Variants in FKBP8 observed in about 807,000 individuals in gnomAD.
FKBP8 encodes peptidyl-prolyl cis-trans isomerase FKBP8.
In FKBP8, 5 loss-of-function variants were observed where a neutral mutation model predicts 41.7. The observed-to-expected ratio is 0.12, with a 90% confidence interval of 0.06 to 0.25. FKBP8 has a LOEUF of 0.25. Among genes scored for constraint, FKBP8 ranks in the 10% least tolerant of loss-of-function variants. FKBP8 has a pLI of 1.00. For missense variants in FKBP8, 397 were observed against 563.0 expected, an observed-to-expected ratio of 0.71 and a Z score of 2.98; for synonymous variants, 279 against 254.5, an observed-to-expected ratio of 1.10 and a Z score of -0.92.
intron 2 of FKBP8, among the ~76,000 whole-genome samples, chr19:18,540,260 CCT>C (rs2145192906): frequency 6.6e-6 from 1 of 152,240 alleles, no homozygotes; most frequent in Admixed American, 6.5e-5. Context: ...TAGCAGAGCC[CCT>C]GTGACACAGT....
At chr19:18,540,131 A>G (rs1302325039) in intron 2 of FKBP8, among the ~76,000 whole-genome samples, 1 of 152,134 alleles carries the variant, frequency 6.6e-6, no homozygotes, top group Non-Finnish European at 1.5e-5. Context: ...CCCTCCTCAA[A>G]AAGAAAGAAA....
intron 2 of FKBP8, among the ~76,000 whole-genome samples, chr19:18,541,253 A>G (rs1424850017): frequency 6.6e-6 from 1 of 152,080 alleles, no homozygotes; most frequent in Non-Finnish European, 1.5e-5. Context: ...CCTCTGATCC[A>G]CTTGACCCCA....
chr19:18,537,829 G>C lies in FKBP8; in HGVS notation c.773-56C>G. Reference sequence around the variant, plus strand: ...CGTCACCATGCCACCAGACACCCCGGCACCCACCCCTCTGCGGAGGCTGCC... The same window carrying C: ...CGTCACCATGCCACCAGACACCCCGCCACCCACCCCTCTGCGGAGGCTGCC... On this transcript the variant is annotated intron_variant, in intron 5 of 8. Transcript: ENST00000608443. This position sits in a 1 kb window ranked among gnomAD's most constrained non-coding sequence, Gnocchi z 4.4. 6.5e-7 allele frequency: 1 copy of C among 1,546,382 alleles called. No homozygotes were observed. The highest frequency in any genetic ancestry group is 8.8e-7 in the Non-Finnish European group (1 of 1,138,148).
At chr19:18,533,634 G>A (rs1200107105) in intron 6 of FKBP8, among the ~76,000 whole-genome samples, 1 of 151,450 alleles carries the variant, frequency 6.6e-6, no homozygotes, top group African/African-American at 2.4e-5. Flanking sequence ...GAACCAGGGG[G>A]CAGAAGTTGC....
chr19:18,535,159 A>C (rs1339449141), intron 6 of FKBP8, among the ~76,000 whole-genome samples: 1 of 152,038 alleles, frequency 6.6e-6, no homozygotes, highest in Non-Finnish European at 1.5e-5. Flanking sequence ...GGCTCAACCA[A>C]TCCACCTGCC....
chr19:18,541,151 G>C (rs1045487460), intron 2 of FKBP8, among the ~76,000 whole-genome samples: 1 of 151,542 alleles, frequency 6.6e-6, no homozygotes, highest in South Asian at 2.1e-4. Flanking sequence ...ACATGTGGGG[G>C]CTCATGTAGT....
chr19:18,542,154 T>C, intron 1 of FKBP8, 159 bp from the exon 2 acceptor site: 1 of 1,099,046 alleles, frequency 9.1e-7, no homozygotes, highest in South Asian at 1.9e-5. Flanking sequence ...CAACCCCAGC[T>C]TGTTGGGAGA....
chr19:18,536,174 C>T (rs1976571306), intron 6 of FKBP8: 2 of 152,112 alleles, frequency 1.3e-5, no homozygotes, highest in South Asian at 4.1e-4. Flanking sequence ...CCACCTCAGG[C>T]TTTTCAGAAA....
Position 18,534,332 on chromosome 19 carries a change from A to G in FKBP8, c.946-985T>C, listed in dbSNP as rs944201400. ...AAAAACAAACAAACAAACAAAAAAA[A>G]CAGCCAGGCTCCTGGCTACTCATAC... On this transcript the variant is annotated intron_variant, in intron 6 of 8. Coordinates refer to ENST00000608443, the MANE Select transcript of FKBP8 (RefSeq NM_012181.5). Among the ~76,000 whole-genome samples the G allele has an allele frequency of 3.9e-5, 6 of 152,152 alleles. No homozygotes were observed. In the East Asian group the frequency reaches 1.2e-3, roughly 29 times the overall value.
chr19:18,539,036 G>C (rs1439021583), intron 4 of FKBP8, among the ~76,000 whole-genome samples: 6 of 151,454 alleles, frequency 4.0e-5, no homozygotes, highest in African/African-American at 1.5e-4. Flanking sequence ...GGATGGCCTT[G>C]ATCTCCTGAC....
chr19:18,538,145 G>A lies in FKBP8; in HGVS notation c.772+71C>T. ...ATATTCTGAGTCTGAGGCTCTCTGG[G>A]GCTGGAAGTTTCTGGCACGGAGTGG... is the stretch of plus-strand genomic sequence containing the variant. On this transcript the variant is annotated intron_variant, in intron 5 of 8. Coordinates refer to ENST00000608443, the MANE Select transcript of FKBP8 (RefSeq NM_012181.5). The surrounding 1 kb of genome is among the most constrained non-coding windows in gnomAD (Gnocchi z 4.0). 4.1e-6 allele frequency: 6 copies of A among 1,462,856 alleles called. No homozygotes were observed. The South Asian group carries it at 6.4e-5, about 16-fold the overall frequency. The allele number at this position is 1,462,856 out of a possible 1,614,324, so 90.6% of individuals were successfully genotyped here.
At position 18,534,577 on chromosome 19, in the gene FKBP8, GT is replaced by G. The variant is rs369581961; in HGVS notation, c.946-1231del. ...CGAATGGATGCTTCCAGAGGTTGTT[GT>G]TTTTTTTTTCTCTTTCCTTTAGAGA... On this transcript the variant is annotated intron_variant, in intron 6 of 8. Coordinates refer to ENST00000608443, the MANE Select transcript of FKBP8 (RefSeq NM_012181.5). Among the ~76,000 whole-genome samples the G allele has an allele frequency of 8.6e-5, 12 of 139,476 alleles. No individual in the cohort carries two copies. In the East Asian group the frequency reaches 1.2e-3, roughly 14 times the overall value. The allele number at this position is 139,476 out of a possible 152,430, so 91.5% of individuals were successfully genotyped here.
chr19:18,535,409 C>T (rs1185684887), intron 6 of FKBP8, among the ~76,000 whole-genome samples: 1 of 152,068 alleles, frequency 6.6e-6, no homozygotes, highest in Non-Finnish European at 1.5e-5. Context: ...GGACCAGGCA[C>T]ATGACCCAAA....
chr19:18,537,616 G>T lies in FKBP8; in HGVS notation c.930C>A (p.Leu310=). 2.5e-6 allele frequency: 4 copies of T among 1,601,006 alleles called. No homozygotes were observed. The highest frequency in any genetic ancestry group is 3.4e-6 in the Non-Finnish European group (4 of 1,171,600). ...LEHQPDNIKA[L]FRKGKVLAQQ... Reference sequence around the variant, plus strand: ...TGTGGCCTACCTTGCCCTTGCGGAAGAGAGCCTTGATGTTGTCTGGCTGGT... The same window carrying T: ...TGTGGCCTACCTTGCCCTTGCGGAATAGAGCCTTGATGTTGTCTGGCTGGT... The change falls in exon 6 of 9, where the codon CTC becomes CTA. Residue 310 remains leucine (L), a synonymous_variant. Transcript: ENST00000608443. The surrounding 1 kb of genome is among the most constrained non-coding windows in gnomAD (Gnocchi z 4.4).
chr19:18,537,829 G>A lies in FKBP8; in HGVS notation c.773-56C>T. On this transcript the variant is annotated intron_variant, in intron 5 of 8. Transcript: ENST00000608443. This position sits in a 1 kb window ranked among gnomAD's most constrained non-coding sequence, Gnocchi z 4.4. ...CGTCACCATGCCACCAGACACCCCG[G>A]CACCCACCCCTCTGCGGAGGCTGCC... 1.9e-6 allele frequency: 3 copies of A among 1,546,382 alleles called. No individual in the cohort carries two copies. Among genetic ancestry groups the A allele is most frequent in the Non-Finnish European group, 2.6e-6 (3 of 1,138,148 alleles).
intron 2 of FKBP8, among the ~76,000 whole-genome samples, chr19:18,540,060 G>A (rs1173789764): frequency 1.3e-5 from 2 of 151,806 alleles, no homozygotes; most frequent in African/African-American, 4.8e-5. Flanking sequence ...AGAGGCCAAT[G>A]TGGGAGAATC....
At chr19:18,535,600 C>A (rs192885094) in intron 6 of FKBP8, among the ~76,000 whole-genome samples, 4 of 151,670 alleles carry the variant, frequency 2.6e-5, no homozygotes, top group Admixed American at 6.6e-5. Context: ...GGTGAAACCC[C>A]GTCTATACTA....
intron 6 of FKBP8, among the ~76,000 whole-genome samples, chr19:18,534,366 A>G (rs1290742222): frequency 2.0e-5 from 3 of 152,172 alleles, no homozygotes; most frequent in African/African-American, 7.2e-5. Context: ...ACAAGTGCCA[A>G]ATGGAGCTCT....
rs532931903 is a variant in FKBP8, at chr19:18,538,916, G to C, written c.551+455C>G. Among the ~76,000 whole-genome samples, 1 of 145,266 alleles carries C rather than the reference G, an allele frequency of 6.9e-6. No individual in the cohort carries two copies. ...TGCAAGCTCCGCCTCCCGGGTTCAC[G>C]CCATTTTCCTGCCTCAACCTCCAGA... On this transcript the variant is annotated intron_variant, in intron 4 of 8. Coordinates refer to ENST00000608443, the MANE Select transcript of FKBP8 (RefSeq NM_012181.5). This position sits in a 1 kb window ranked among gnomAD's most constrained non-coding sequence, Gnocchi z 4.0.
Sources: allele counts gnomAD v4.1 joint callset (sites outside exome capture counted in the v4.1 genomes callset), GRCh38; gene constraint gnomAD v4.1.1; non-coding constraint Gnocchi (gnomAD v3.1); transcripts MANE v1.5; gene names NCBI Gene and HGNC (gene_info 2026-07-23, HGNC 2026-07-21).